Variants in SLIT3 observed in about 807,000 individuals in gnomAD.
The protein encoded by SLIT3 is slit homolog 3 protein.
SLIT3 carries 68 observed loss-of-function variants against 184.0 expected under a neutral mutation model. The observed-to-expected ratio is 0.37, with a 90% CI of 0.30 to 0.45. The LOEUF is 0.45. Ranked by LOEUF, SLIT3 falls within the 20% of genes least tolerant of loss-of-function variation. SLIT3 has a pLI of 1.00. For missense variants in SLIT3, 1,707 were observed against 2,026.0 expected (o/e 0.84, Z 3.02); for synonymous variants, 831 against 828.6 (o/e 1.00, Z -0.05).
At chr5:168,710,571 C>T (rs949776360) in intron 25 of SLIT3, among the ~76,000 whole-genome samples, 5 of 151,330 alleles carry the variant, frequency 3.3e-5, no homozygotes, top group African/African-American at 1.2e-4. Context: ...TGAGACCAGC[C>T]TGTGCAACAT....
At chr5:168,812,521 A>G (rs929156216) in intron 8 of SLIT3, among the ~76,000 whole-genome samples, 1 of 152,246 alleles carries the variant, frequency 6.6e-6, no homozygotes, top group Admixed American at 6.5e-5. Flanking sequence ...GAATATTTTG[A>G]AAGTCTGAAC....
At chr5:169,222,389 A>C (rs1219868108) in intron 3 of SLIT3, among the ~76,000 whole-genome samples, 1 of 152,206 alleles carries the variant, frequency 6.6e-6, no homozygotes. Flanking sequence ...AGAAGTCAAT[A>C]GACTCCATTG....
At chr5:168,762,809 A>T in intron 14 of SLIT3, 120 bp from the exon 15 acceptor site, 1 of 975,292 alleles carries the variant, frequency 1.0e-6, no homozygotes, top group Non-Finnish European at 1.6e-6. Context: ...TTAGGGGTCA[A>T]GTAACAGACA....
chr5:168,808,922 G>A (rs950187849), intron 8 of SLIT3, among the ~76,000 whole-genome samples: 32 of 152,120 alleles, frequency 2.1e-4, no homozygotes, highest in African/African-American at 7.2e-4. Flanking sequence ...ACCTGACAAA[G>A]CCAGGGAGAA....
At chr5:169,016,325 C>T (rs1369086829) in intron 4 of SLIT3, among the ~76,000 whole-genome samples, 4 of 152,138 alleles carry the variant, frequency 2.6e-5, no homozygotes, top group Non-Finnish European at 5.9e-5. Flanking sequence ...AGCACATGTG[C>T]TCACAGAAAT....
chr5:168,905,102 G>A (rs116534979), intron 4 of SLIT3, among the ~76,000 whole-genome samples: 10,051 of 152,130 alleles, frequency 0.066, 686 homozygotes, highest in East Asian at 0.33. Context: ...GCTCGAACCC[G>A]GGAGGCGGAG....
intron 4 of SLIT3, among the ~76,000 whole-genome samples, chr5:168,934,589 A>G (rs1187654531): frequency 6.6e-6 from 1 of 152,150 alleles, no homozygotes; most frequent in Non-Finnish European, 1.5e-5. Context: ...AGCACACAGG[A>G]TCACAGCAGC....
chr5:168,682,945 A>G (rs1458737698), intron 32 of SLIT3, among the ~76,000 whole-genome samples: 2 of 152,040 alleles, frequency 1.3e-5, no homozygotes, highest in Non-Finnish European at 2.9e-5. Context: ...AAAAATATTT[A>G]TAACTAAATT....
intron 3 of SLIT3, among the ~76,000 whole-genome samples, chr5:169,200,666 A>G (rs1054793216): frequency 4.6e-5 from 7 of 152,186 alleles, no homozygotes; most frequent in Admixed American, 2.6e-4. Context: ...CGGGGGCAAA[A>G]AACTTGAACT....
chr5:169,091,708 C>T (rs1404041541), intron 4 of SLIT3, among the ~76,000 whole-genome samples: 1 of 152,202 alleles, frequency 6.6e-6, no homozygotes, highest in Non-Finnish European at 1.5e-5. Context: ...CCTCTGGCTG[C>T]TCCTTGCCTG....
intron 4 of SLIT3, among the ~76,000 whole-genome samples, chr5:169,002,736 C>T (rs1755763831): frequency 6.6e-6 from 1 of 152,176 alleles, no homozygotes; most frequent in African/African-American, 2.4e-5. Flanking sequence ...CAAAGTATTT[C>T]CCTAACTTTA....
intron 19 of SLIT3, 26 bp downstream of exon 19, chr5:168,749,446 C>T (rs1754617727): frequency 6.2e-7 from 1 of 1,613,426 alleles, no homozygotes; most frequent in Admixed American, 1.7e-5. Context: ...GCCTTCCCCG[C>T]AGACCTTGAC....
At chr5:169,204,915 C>T (rs1179197934) in intron 3 of SLIT3, among the ~76,000 whole-genome samples, 1 of 152,170 alleles carries the variant, frequency 6.6e-6, no homozygotes, top group East Asian at 1.9e-4. Context: ...GATTCGTCCA[C>T]AGAAGTGTGT....
intron 13 of SLIT3, among the ~76,000 whole-genome samples, chr5:168,773,187 G>A (rs1168801442): frequency 6.6e-6 from 1 of 152,148 alleles, no homozygotes; most frequent in African/African-American, 2.4e-5. Context: ...CGGTCTCCCA[G>A]CTCTTCCCAC....
At chr5:169,284,941 C>T (rs1017511662) in intron 1 of SLIT3, among the ~76,000 whole-genome samples, 8 of 151,934 alleles carry the variant, frequency 5.3e-5, no homozygotes, top group African/African-American at 1.7e-4. Context: ...GACAGGGTCA[C>T]ACTCTGTCAC....
chr5:168,806,687 C>G lies in SLIT3; in HGVS notation c.794-100G>C, dbSNP rs576101065. Reference sequence around the variant, plus strand: ...ATCCTAAGGGCAAAGCATGACCTGACAGCCATCTGAGAAATGATCACCAGC... The same window carrying G: ...ATCCTAAGGGCAAAGCATGACCTGAGAGCCATCTGAGAAATGATCACCAGC... On this transcript the variant is annotated intron_variant, in intron 8 of 35. Coordinates refer to ENST00000519560, the MANE Select transcript of SLIT3 (RefSeq NM_003062.4). The G allele has an allele frequency of 5.9e-5, 80 of 1,366,922 alleles. No homozygotes were observed. In the African/African-American group the frequency reaches 1.0e-3, roughly 18 times the overall value. The allele number at this position is 1,366,922 out of a possible 1,614,324, so 84.7% of individuals were successfully genotyped here.
At chr5:169,055,683 A>C (rs183662440) in intron 4 of SLIT3, among the ~76,000 whole-genome samples, 171 of 152,244 alleles carry the variant, frequency 1.1e-3, no homozygotes, top group Middle Eastern at 3.4e-3. Context: ...TACTAAAAAT[A>C]CAAAAATTAG....
chr5:169,143,839 T>C (rs906885591), intron 4 of SLIT3, among the ~76,000 whole-genome samples: 1 of 152,042 alleles, frequency 6.6e-6, no homozygotes, highest in Non-Finnish European at 1.5e-5. Flanking sequence ...GTGTGTGTGA[T>C]GCATGCATTA....
chr5:169,300,468 G>C lies in SLIT3; in HGVS notation c.197+45C>G. ...TCTGGCGCCTGGGGCCCCCTCGGTG[G>C]GACCCAGGTGGGTGGCCCGCGTGGG... On this transcript the variant is annotated intron_variant, in intron 1 of 35. Coordinates refer to ENST00000519560, the MANE Select transcript of SLIT3 (RefSeq NM_003062.4). This position sits in a 1 kb window ranked among gnomAD's most constrained non-coding sequence, Gnocchi z 4.1. 7.1e-7 allele frequency: 1 copy of C among 1,409,756 alleles called. No individual in the cohort carries two copies. Among genetic ancestry groups the C allele is most frequent in the Non-Finnish European group, 9.2e-7 (1 of 1,083,854 alleles). 87.3% of individuals were successfully genotyped at this position (1,409,756 alleles called of 1,614,324 possible).
Sources: allele counts gnomAD v4.1 joint callset (sites outside exome capture counted in the v4.1 genomes callset), GRCh38; gene constraint gnomAD v4.1.1; non-coding constraint Gnocchi (gnomAD v3.1); transcripts MANE v1.5; gene names NCBI Gene and HGNC (gene_info 2026-07-23, HGNC 2026-07-21).